The following MPRIP variants were observed in gnomAD, a reference collection of about 807,000 sequenced individuals.
The protein encoded by MPRIP is myosin phosphatase Rho interacting protein.
Under a neutral mutation model 234.9 loss-of-function variants are expected in MPRIP, and 59 were observed. The ratio of observed to expected loss-of-function variants is 0.25; its 90% CI spans 0.20 to 0.31. The LOEUF (loss-of-function observed/expected upper bound fraction) is 0.31. Among genes scored for constraint, MPRIP ranks in the 10% least tolerant of loss-of-function variants. The pLI, the probability that MPRIP is intolerant of heterozygous loss-of-function variation, is 1.00. For missense variants in MPRIP, 2,436 were observed against 3,071.0 expected (o/e 0.79, Z 4.89); for synonymous variants, 1,144 against 1,263.9 (o/e 0.91, Z 2.01).
chr17:17,165,329 CCAACCAG>C lies in MPRIP; in HGVS notation c.3739_3745del (p.Gln1247SerfsTer8). The C allele has an allele frequency of 7.7e-7, 1 of 1,304,056 alleles. No individual in the cohort carries two copies. Among genetic ancestry groups the C allele is most frequent in the Non-Finnish European group, 1.0e-6 (1 of 988,962 alleles). 80.8% of individuals were successfully genotyped at this position (1,304,056 alleles called of 1,614,324 possible). The stretch of plus-strand genomic sequence containing the variant: ...AAAGGGATGGCACTTTGCTCCCAGG[CCAACCAG>C]TCCAAGCCACTAGGGCACCTCTAGG... On this transcript the variant is annotated frameshift_variant, in exon 16 of 24. Transcript: ENST00000651222. LOFTEE classifies it high-confidence loss of function.
At chr17:17,149,507 C>T (rs2045550601) in intron 11 of MPRIP, among the ~76,000 whole-genome samples, 1 of 151,012 alleles carries the variant, frequency 6.6e-6, no homozygotes, top group Non-Finnish European at 1.5e-5. Context: ...AAAAAAAAAA[C>T]TTCCGTATTG....
intron 1 of MPRIP, among the ~76,000 whole-genome samples, chr17:17,061,099 C>T (rs547738683): frequency 6.6e-5 from 10 of 152,292 alleles, no homozygotes; most frequent in East Asian, 5.8e-4. Flanking sequence ...GGCACAGCTC[C>T]GCCAAGAAGC....
In MPRIP at chr17:17,187,667, C is replaced by T. The variant is rs1373891737; in HGVS notation, c.*2773C>T. 1 of 152,336 alleles carries T rather than the reference C, an allele frequency of 6.6e-6. No homozygotes were observed. The highest frequency in any genetic ancestry group is 1.9e-4 in the East Asian group (1 of 5,204). The allele number at this position is 152,336 out of a possible 1,614,324, so 9.4% of individuals were successfully genotyped here. ...GCAGGGAGCCTTGTGCTGCACAGGG[C>T]TGGGCCCTCTCTCCAGTTTCCTTCC... is the stretch of plus-strand genomic sequence containing the variant. On this transcript the variant is annotated 3_prime_UTR_variant, in exon 24 of 24. Coordinates refer to ENST00000651222, the MANE Select transcript of MPRIP (RefSeq NM_001364716.4).
chr17:17,180,110 C>G (rs1419678133), intron 23 of MPRIP, 22 bp downstream of exon 23: 14 of 1,550,766 alleles, frequency 9.0e-6, no homozygotes, highest in Non-Finnish European at 1.2e-5. Flanking sequence ...GTCCAGCCCC[C>G]TGGTGGGAGG....
At chr17:17,045,370 A>G (rs529160355) in intron 1 of MPRIP, among the ~76,000 whole-genome samples, 1 of 152,294 alleles carries the variant, frequency 6.6e-6, no homozygotes, top group African/African-American at 2.4e-5. Context: ...AGGCACAGAA[A>G]CCTCTTGCAG....
At chr17:17,095,918 T>A (rs1229299010) in intron 3 of MPRIP, among the ~76,000 whole-genome samples, 1 of 152,184 alleles carries the variant, frequency 6.6e-6, no homozygotes, top group Non-Finnish European at 1.5e-5. Context: ...TCCAGCCACT[T>A]CCCACTCAAA....
intron 4 of MPRIP, among the ~76,000 whole-genome samples, chr17:17,131,022 C>A (rs1316283313): frequency 6.6e-6 from 1 of 152,134 alleles, no homozygotes; most frequent in East Asian, 1.9e-4. Flanking sequence ...TGCTGTGTTC[C>A]CTTGCTGCAC....
At chr17:17,064,157 C>G (rs2088949459) in intron 1 of MPRIP, among the ~76,000 whole-genome samples, 1 of 151,848 alleles carries the variant, frequency 6.6e-6, no homozygotes, top group Non-Finnish European at 1.5e-5. Context: ...TGAGGACTGA[C>G]TGCAGAGGCC....
chr17:17,110,095 G>A (rs1167642431), intron 3 of MPRIP, among the ~76,000 whole-genome samples: 2 of 152,120 alleles, frequency 1.3e-5, no homozygotes, highest in African/African-American at 2.4e-5. Flanking sequence ...GGGGCAGCAA[G>A]TGGGTTCTTG....
chr17:17,074,529 T>G lies in MPRIP; in HGVS notation c.124-1181T>G, dbSNP rs115394108. ...AGATTCACTCTCTTAAAGTATACAG[T>G]TTGGTGAGTTTTAGCATATTTACAA... On this transcript the variant is annotated intron_variant, in intron 1 of 23. Transcript: ENST00000651222. 4.2e-3 allele frequency among the ~76,000 whole-genome samples: 643 copies of G among 152,316 alleles called. 8 individuals carry two copies. The highest frequency in any genetic ancestry group is 0.015 in the African/African-American group (620 of 41,564).
chr17:17,183,285 T>G (rs1261738635), intron 23 of MPRIP: 2 of 152,258 alleles, frequency 1.3e-5, no homozygotes, highest in Non-Finnish European at 2.9e-5. Context: ...GCGCGATCTC[T>G]GCTCACTGCA....
chr17:17,049,343 G>T (rs1317776051), intron 1 of MPRIP, among the ~76,000 whole-genome samples: 1 of 152,100 alleles, frequency 6.6e-6, no homozygotes, highest in Non-Finnish European at 1.5e-5. Flanking sequence ...ACTTATGATG[G>T]GACTTATGGT....
chr17:17,139,656 T>C (rs2090773328), intron 7 of MPRIP, among the ~76,000 whole-genome samples: 2 of 152,184 alleles, frequency 1.3e-5, no homozygotes, highest in African/African-American at 4.8e-5. Context: ...CTGCCCCCTT[T>C]TCTTCTGAGC....
In MPRIP at chr17:17,187,644, A is replaced by G. The variant is rs77342773; in HGVS notation, c.*2750A>G. The G allele has an allele frequency of 0.033, 5,041 of 152,390 alleles. 144 individuals carry two copies. The highest frequency in any genetic ancestry group is 0.12 in the East Asian group (643 of 5,184). 9.4% of individuals were successfully genotyped at this position (152,390 alleles called of 1,614,324 possible). A position where few individuals can be genotyped will look rare whatever the true frequency, so the allele number is the denominator to read the frequency against. On this transcript the variant is annotated 3_prime_UTR_variant, in exon 24 of 24. Transcript: ENST00000651222. ...CTGCCCAACTGGTGCCACACTGAGC[A>G]GGGAGCCTTGTGCTGCACAGGGCTG...
At chr17:17,048,529 G>A (rs1041193447) in intron 1 of MPRIP, among the ~76,000 whole-genome samples, 2 of 152,022 alleles carry the variant, frequency 1.3e-5, no homozygotes, top group African/African-American at 2.4e-5. Context: ...GGCAGGGAGC[G>A]TGTCAAAAAT....
intron 13 of MPRIP, 121 bp from the exon 14 acceptor site, chr17:17,158,311 G>A: frequency 1.3e-6 from 1 of 779,434 alleles, no homozygotes; most frequent in Non-Finnish European, 2.0e-6. Flanking sequence ...GCTGGGATTA[G>A]GATAGAAAAA....
At chr17:17,127,714 T>G (rs1389963487) in intron 4 of MPRIP, among the ~76,000 whole-genome samples, 1 of 152,220 alleles carries the variant, frequency 6.6e-6, no homozygotes, top group Non-Finnish European at 1.5e-5. Context: ...ACCTGGGGCT[T>G]GCTGGGCCAG....
At chr17:17,083,917 G>A (rs938076910) in intron 3 of MPRIP, among the ~76,000 whole-genome samples, 1 of 151,968 alleles carries the variant, frequency 6.6e-6, no homozygotes, top group Admixed American at 6.6e-5. Context: ...CTAATTTTTT[G>A]CATTTTTAGT....
intron 13 of MPRIP, 96 bp downstream of exon 13, chr17:17,154,511 G>C: frequency 1.0e-6 from 1 of 960,862 alleles, no homozygotes; most frequent in East Asian, 2.5e-5. Flanking sequence ...TCTGAGACCT[G>C]AGCTCAGTGC....
Sources: gnomAD v4.1 joint callset for allele counts (sites outside exome capture counted in the v4.1 genomes callset) on GRCh38, gnomAD v4.1.1 for gene constraint, MANE v1.5 for transcripts, NCBI Gene and HGNC (gene_info 2026-07-23, HGNC 2026-07-21) for gene names.